SPAG17: variants seen among roughly 807,000 people sequenced by gnomAD.
SPAG17 encodes the protein sperm-associated antigen 17.
In SPAG17, 169 loss-of-function variants were observed where a neutral mutation model predicts 273.6. The ratio of observed to expected loss-of-function variants is 0.62; its 90% CI spans 0.55 to 0.70. The LOEUF (loss-of-function observed/expected upper bound fraction) is 0.70, where lower values mean the gene tolerates loss of function less well. SPAG17 is among the 30% of genes least tolerant of loss of function. SPAG17 has a pLI of 0.00. For missense variants in SPAG17, 2,557 were observed against 2,627.8 expected (o/e 0.97, Z 0.59); for synonymous variants, 825 against 873.2 (o/e 0.94, Z 0.97).
chr1:118,040,943 T>A, intron 21 of SPAG17, 102 bp from the exon 22 acceptor site: 1 of 744,672 alleles, frequency 1.3e-6, no homozygotes, highest in Non-Finnish European at 2.4e-6. Context: ...TAATTTCTGC[T>A]AAGTGATATG....
At chr1:118,144,784 A>G (rs1439385641) in intron 3 of SPAG17, among the ~76,000 whole-genome samples, 1 of 152,202 alleles carries the variant, frequency 6.6e-6, no homozygotes, top group East Asian at 1.9e-4. Context: ...AATAGCTTCA[A>G]AGAATTTCAA....
chr1:118,090,744 G>A (rs1458670916), intron 10 of SPAG17, among the ~76,000 whole-genome samples: 2 of 151,974 alleles, frequency 1.3e-5, no homozygotes, highest in Non-Finnish European at 2.9e-5. Flanking sequence ...TAAATTCGCT[G>A]GGCATGGTGG....
At chr1:118,069,616 G>A (rs978416942) in intron 17 of SPAG17, among the ~76,000 whole-genome samples, 1 of 152,156 alleles carries the variant, frequency 6.6e-6, no homozygotes, top group African/African-American at 2.4e-5. Flanking sequence ...AATTCAGGTA[G>A]AATTTTGAGT....
chr1:118,126,303 T>C (rs2102285429), intron 3 of SPAG17, among the ~76,000 whole-genome samples: 1 of 150,696 alleles, frequency 6.6e-6, no homozygotes, highest in African/African-American at 2.4e-5. Flanking sequence ...CCTCCTGGGT[T>C]CATGCCATTC....
chr1:118,107,082 A>T (rs1351739284), intron 4 of SPAG17, among the ~76,000 whole-genome samples: 4 of 152,198 alleles, frequency 2.6e-5, no homozygotes, highest in Non-Finnish European at 5.9e-5. Flanking sequence ...TGATCTCACA[A>T]GGCAACCTGT....
At chr1:118,142,814 C>G (rs1369491415) in intron 3 of SPAG17, among the ~76,000 whole-genome samples, 1 of 152,124 alleles carries the variant, frequency 6.6e-6, no homozygotes, top group African/African-American at 2.4e-5. Flanking sequence ...TGGTTTGGTT[C>G]CATACTTTTA....
intron 1 of SPAG17, among the ~76,000 whole-genome samples, chr1:118,152,069 C>T (rs1293336122): frequency 6.6e-6 from 1 of 152,046 alleles, no homozygotes; most frequent in Non-Finnish European, 1.5e-5. Context: ...CTCACATTAC[C>T]AACTGTGAGA....
intron 1 of SPAG17, among the ~76,000 whole-genome samples, chr1:118,175,632 C>G (rs2102402180): frequency 6.7e-6 from 1 of 148,512 alleles, no homozygotes; most frequent in African/African-American, 2.5e-5. Flanking sequence ...AGCTACACTT[C>G]AAATACAAAG....
chr1:118,026,160 C>A (rs577503965), intron 26 of SPAG17, among the ~76,000 whole-genome samples: 2 of 152,284 alleles, frequency 1.3e-5, no homozygotes, highest in South Asian at 4.1e-4. Flanking sequence ...TTTCCTAAGT[C>A]ATCTGTCATC....
At chr1:118,054,190 A>G in intron 19 of SPAG17, 97 bp from the exon 20 acceptor site, 2 of 703,984 alleles carry the variant, frequency 2.8e-6, no homozygotes, top group Non-Finnish European at 4.7e-6. Context: ...AAGGCTTTCA[A>G]GTTCAACTTC....
chr1:118,175,321 C>T (rs575941931), intron 1 of SPAG17, among the ~76,000 whole-genome samples: 34 of 152,174 alleles, frequency 2.2e-4, no homozygotes, highest in East Asian at 7.8e-4. Flanking sequence ...TGAGCCACTG[C>T]GCCCAGCTGG....
intron 1 of SPAG17, among the ~76,000 whole-genome samples, chr1:118,165,672 G>T (rs1660137556): frequency 7.8e-6 from 1 of 128,906 alleles, no homozygotes; most frequent in East Asian, 2.2e-4. Flanking sequence ...TTGAGACGGA[G>T]TCTCGCTCTG....
intron 32 of SPAG17, among the ~76,000 whole-genome samples, chr1:118,002,963 C>T (rs1658469924): frequency 6.6e-6 from 1 of 152,244 alleles, no homozygotes; most frequent in African/African-American, 2.4e-5. Flanking sequence ...GTGGCTGGTA[C>T]TGGTTGTTTC....
chr1:117,997,566 T>TAAAAAAA, intron 32 of SPAG17, among the ~76,000 whole-genome samples: 1 of 123,384 alleles, frequency 8.1e-6, no homozygotes, highest in Non-Finnish European at 1.7e-5. Context: ...GAATGAGAAG[T>TAAAAAAA]AAAAAAAAAA....
chr1:118,183,143 C>A (rs1284259597), intron 1 of SPAG17, among the ~76,000 whole-genome samples: 1 of 152,100 alleles, frequency 6.6e-6, no homozygotes, highest in African/African-American at 2.4e-5. Flanking sequence ...TGGAGGAATT[C>A]TTTCCTTCTC....
intron 1 of SPAG17, among the ~76,000 whole-genome samples, chr1:118,181,905 C>T (rs1239262274): frequency 1.3e-5 from 2 of 152,026 alleles, no homozygotes; most frequent in Non-Finnish European, 2.9e-5. Flanking sequence ...TGCTTGAGTC[C>T]AGGAGTTTGA....
chr1:118,006,092 A>G (rs1178044825), intron 31 of SPAG17, among the ~76,000 whole-genome samples: 3 of 152,210 alleles, frequency 2.0e-5, no homozygotes, highest in Admixed American at 2.0e-4. Flanking sequence ...TTCTGGTTCA[A>G]ACAGATCTTT....
At chr1:118,102,856 C>T (rs1005250902) in intron 4 of SPAG17, among the ~76,000 whole-genome samples, 8 of 152,226 alleles carry the variant, frequency 5.3e-5, no homozygotes, top group Non-Finnish European at 1.0e-4. Flanking sequence ...GGGAGAGGAG[C>T]ACTTCCCCTA....
chr1:118,077,881 G>T (rs536231768), intron 15 of SPAG17, among the ~76,000 whole-genome samples: 6 of 152,300 alleles, frequency 3.9e-5, no homozygotes, highest in South Asian at 2.1e-4. Context: ...TCAGGAAGCT[G>T]CAAGACACAG....
Sources: allele counts gnomAD v4.1 joint callset (sites outside exome capture counted in the v4.1 genomes callset), GRCh38; gene constraint gnomAD v4.1.1; transcripts MANE v1.5; gene names NCBI Gene and HGNC (gene_info 2026-07-23, HGNC 2026-07-21).